Variants in ARHGAP26 observed in about 807,000 individuals in gnomAD.
ARHGAP26 encodes the protein Rho GTPase activating protein 26, also known as rho GTPase-activating protein 26.
Under a neutral mutation model 104.8 loss-of-function variants are expected in ARHGAP26, and 38 were observed. That is an observed-to-expected ratio of 0.36 (90% CI 0.28 to 0.48). ARHGAP26 has a LOEUF of 0.48. ARHGAP26 is among the 20% of genes least tolerant of loss of function. ARHGAP26 has a pLI of 0.99. For synonymous variants in ARHGAP26, 341 were observed against 340.0 expected (o/e 1.00, Z -0.03); for missense variants, 704 against 947.9 (o/e 0.74, Z 3.38).
intron 11 of ARHGAP26, among the ~76,000 whole-genome samples, chr5:142,993,978 C>G (rs1157118003): frequency 6.6e-6 from 1 of 152,198 alleles, no homozygotes; most frequent in Admixed American, 6.5e-5. Context: ...TTAATGTTAA[C>G]TGAATCTAAG....
intron 22 of ARHGAP26, among the ~76,000 whole-genome samples, chr5:143,220,479 G>C (rs1306992830): frequency 6.6e-6 from 1 of 152,230 alleles, no homozygotes; most frequent in Non-Finnish European, 1.5e-5. Flanking sequence ...AGAGGGTCTT[G>C]TTGTCACCAG....
At chr5:143,185,731 C>T (rs1729671562) in intron 20 of ARHGAP26, among the ~76,000 whole-genome samples, 1 of 152,224 alleles carries the variant, frequency 6.6e-6, no homozygotes, top group African/African-American at 2.4e-5. Flanking sequence ...TGTATGTTAA[C>T]TCCTGCAGTC....
chr5:143,036,761 A>C (rs1322325913), intron 12 of ARHGAP26, among the ~76,000 whole-genome samples: 1 of 152,184 alleles, frequency 6.6e-6, no homozygotes, highest in African/African-American at 2.4e-5. Context: ...TACTGAGATC[A>C]AGTGAGAAAA....
Position 143,226,485 on chromosome 5 carries a change from GAA to G in ARHGAP26, c.*4059_*4060del, listed in dbSNP as rs57822966. On this transcript the variant is annotated 3_prime_UTR_variant, in exon 23 of 23. Transcript: ENST00000645722. ...GACAGAGCCAGACTCCGTCTCAAAG[GAA>G]AAAAAAAAAAAAAAAAAAAGAATGC... 4,143 of 140,450 alleles carry G rather than the reference GAA, an allele frequency of 0.029. 40 individuals are homozygous for G. The highest frequency in any genetic ancestry group is 0.051 in the Middle Eastern group (18 of 350). The allele number at this position is 140,450 out of a possible 1,614,324, so 8.7% of individuals were successfully genotyped here.
Position 143,185,436 on chromosome 5 carries a change from T to C in ARHGAP26, c.1989-21762T>C, listed in dbSNP as rs564825958. On this transcript the variant is annotated intron_variant, in intron 20 of 22. Coordinates refer to ENST00000645722, the MANE Select transcript of ARHGAP26 (RefSeq NM_001135608.3). ...AGAAAAAATTTCTGCATTAAAAATATATGTTATGGGGCATCCCTCCTTTTT... is the reference window on the plus strand; with the variant it reads ...AGAAAAAATTTCTGCATTAAAAATACATGTTATGGGGCATCCCTCCTTTTT... 2.6e-5 allele frequency among the ~76,000 whole-genome samples: 4 copies of C among 152,320 alleles called. No homozygotes were observed. In the South Asian group the frequency reaches 8.3e-4, roughly 32 times the overall value.
In ARHGAP26 at chr5:143,201,517, C is replaced by G. The variant is rs183735662; in HGVS notation, c.1989-5681C>G. 3.3e-5 allele frequency among the ~76,000 whole-genome samples: 5 copies of G among 152,178 alleles called. No individual in the cohort carries two copies. In the East Asian group the frequency reaches 9.6e-4, roughly 29 times the overall value. On this transcript the variant is annotated intron_variant, in intron 20 of 22. Coordinates refer to ENST00000645722, the MANE Select transcript of ARHGAP26 (RefSeq NM_001135608.3). ...GGGTTTGGTGAGGGGCAGGAGGGAGCAAGATTTTTATTTTGTTTATTTATG... is the reference window on the plus strand; with the variant it reads ...GGGTTTGGTGAGGGGCAGGAGGGAGGAAGATTTTTATTTTGTTTATTTATG...
intron 20 of ARHGAP26, among the ~76,000 whole-genome samples, chr5:143,188,903 G>A (rs115834907): frequency 3.1e-3 from 469 of 152,318 alleles, no homozygotes; most frequent in African/African-American, 0.011. Context: ...AGATGTGGCA[G>A]GTTACACAGA....
At chr5:143,160,878 G>T (rs982415672) in intron 20 of ARHGAP26, among the ~76,000 whole-genome samples, 1 of 152,192 alleles carries the variant, frequency 6.6e-6, no homozygotes, top group African/African-American at 2.4e-5. Context: ...CTCGCCCAGG[G>T]CTCTGTGTCA....
chr5:143,195,753 C>T (rs1454804905), intron 20 of ARHGAP26, among the ~76,000 whole-genome samples: 1 of 151,950 alleles, frequency 6.6e-6, no homozygotes, highest in Non-Finnish European at 1.5e-5. Flanking sequence ...ATCATTTTGC[C>T]TCTATTAAAC....
chr5:142,787,830 A>G (rs1758973792), intron 1 of ARHGAP26, among the ~76,000 whole-genome samples: 1 of 152,142 alleles, frequency 6.6e-6, no homozygotes, highest in Non-Finnish European at 1.5e-5. Context: ...AGTCTTTTCA[A>G]CAGTTCATGA....
At chr5:142,902,490 G>A (rs1392729574) in intron 7 of ARHGAP26, among the ~76,000 whole-genome samples, 1 of 152,210 alleles carries the variant, frequency 6.6e-6, no homozygotes, top group Non-Finnish European at 1.5e-5. Flanking sequence ...AGGAAGGCTG[G>A]CAGGAAATCC....
chr5:142,894,706 A>T (rs773552174), intron 6 of ARHGAP26, among the ~76,000 whole-genome samples: 1 of 152,022 alleles, frequency 6.6e-6, no homozygotes, highest in African/African-American at 2.4e-5. Context: ...CCTCTCTCCT[A>T]CCCTTCTTCT....
chr5:143,219,487 T>C (rs781583739), intron 22 of ARHGAP26, among the ~76,000 whole-genome samples: 3 of 152,162 alleles, frequency 2.0e-5, no homozygotes, highest in Non-Finnish European at 4.4e-5. Flanking sequence ...AGCATATAAA[T>C]AGGACCCATG....
intron 11 of ARHGAP26, among the ~76,000 whole-genome samples, chr5:142,938,241 A>G (rs1765731331): frequency 6.6e-6 from 1 of 152,236 alleles, no homozygotes; most frequent in Admixed American, 6.5e-5. Flanking sequence ...GTATGAAATT[A>G]TAACTTTAAA....
chr5:142,898,688 C>G (rs1249607468), intron 6 of ARHGAP26, among the ~76,000 whole-genome samples: 1 of 152,210 alleles, frequency 6.6e-6, no homozygotes, highest in Non-Finnish European at 1.5e-5. Context: ...CATGGATGAT[C>G]TGAATTAATC....
intron 20 of ARHGAP26, among the ~76,000 whole-genome samples, chr5:143,187,519 G>A (rs757661906): frequency 9.2e-5 from 14 of 152,162 alleles, no homozygotes; most frequent in South Asian, 8.3e-4. Context: ...TGTGTCTGCC[G>A]GGCTTGTGGA....
At chr5:142,863,804 A>C (rs1753785655) in intron 1 of ARHGAP26, among the ~76,000 whole-genome samples, 1 of 152,182 alleles carries the variant, frequency 6.6e-6, no homozygotes, top group South Asian at 2.1e-4. Flanking sequence ...GATTGGGTGC[A>C]CCTTAAAGCT....
intron 10 of ARHGAP26, among the ~76,000 whole-genome samples, chr5:142,923,036 T>A (rs1763411028): frequency 6.6e-6 from 1 of 152,118 alleles, no homozygotes; most frequent in Non-Finnish European, 1.5e-5. Flanking sequence ...AATAAGTTAG[T>A]GGAGAAGTTC....
In ARHGAP26 at chr5:142,918,339, G is replaced by T. The variant is rs1282505141; in HGVS notation, c.1028+5046G>T. Reference sequence around the variant, plus strand: ...TTTTTCTATTTGTAGTAGAGATGGGGTTTCACCATGTTGGCCAGGCTGGTA... The same window carrying T: ...TTTTTCTATTTGTAGTAGAGATGGGTTTTCACCATGTTGGCCAGGCTGGTA... On this transcript the variant is annotated intron_variant, in intron 10 of 22. Coordinates refer to ENST00000645722, the MANE Select transcript of ARHGAP26 (RefSeq NM_001135608.3). Among the ~76,000 whole-genome samples, 3 of 152,088 alleles carry T rather than the reference G, an allele frequency of 2.0e-5. No homozygotes were observed. The East Asian group carries it at 5.8e-4, about 29-fold the overall frequency.
Sources: gnomAD v4.1 joint callset for allele counts (sites outside exome capture counted in the v4.1 genomes callset) on GRCh38, gnomAD v4.1.1 for gene constraint, MANE v1.5 for transcripts, NCBI Gene and HGNC (gene_info 2026-07-23, HGNC 2026-07-21) for gene names.